CACNA1A: variants seen among roughly 807,000 people sequenced by gnomAD.
CACNA1A encodes voltage-dependent P/Q-type calcium channel subunit alpha-1A.
In CACNA1A, 57 loss-of-function variants were observed where a neutral mutation model predicts 262.4. The ratio of observed to expected loss-of-function variants is 0.22; its 90% CI spans 0.18 to 0.27. The LOEUF is 0.27. Among genes scored for constraint, CACNA1A ranks in the 10% least tolerant of loss-of-function variants. The pLI is 1.00. For missense variants in CACNA1A, 2,526 were observed against 3,562.8 expected (o/e 0.71, Z 7.41); for synonymous variants, 1,431 against 1,419.3 (o/e 1.01, Z -0.18).
At position 13,402,757 on chromosome 19, in the gene CACNA1A, C is replaced by T. The variant is rs977962635; in HGVS notation, c.540-30978G>A. Among the ~76,000 whole-genome samples, 25 of 140,824 alleles carry T rather than the reference C, an allele frequency of 1.8e-4. No individual in the cohort carries two copies. In the East Asian group the frequency reaches 4.9e-3, roughly 28 times the overall value. The allele number at this position is 140,824 out of a possible 152,430, so 92.4% of individuals were successfully genotyped here. A position where few individuals can be genotyped will look rare whatever the true frequency, so the allele number is the denominator to read the frequency against. ...ACATATATATACACATATATATACA[C>T]ACATATATATACATATATATACATA... On this transcript the variant is annotated intron_variant, in intron 3 of 46. Transcript: ENST00000360228.
chr19:13,271,024 T>C (rs570770004), intron 24 of CACNA1A, among the ~76,000 whole-genome samples: 2 of 152,290 alleles, frequency 1.3e-5, no homozygotes, highest in East Asian at 3.9e-4. Flanking sequence ...AAAATGGATT[T>C]TCAAGAGTGA....
chr19:13,218,358 G>A (rs541860534), intron 38 of CACNA1A, among the ~76,000 whole-genome samples: 4 of 152,260 alleles, frequency 2.6e-5, no homozygotes, highest in South Asian at 2.1e-4. Context: ...GAGTAACTAC[G>A]TCAGCCCTGC....
chr19:13,267,768 C>T (rs2056898321), intron 24 of CACNA1A, among the ~76,000 whole-genome samples: 1 of 151,806 alleles, frequency 6.6e-6, no homozygotes, highest in Admixed American at 6.5e-5. Flanking sequence ...CATAGGGAGA[C>T]CCTGTCTCTC....
chr19:13,449,374 T>C (rs146826060), intron 3 of CACNA1A, among the ~76,000 whole-genome samples: 123 of 152,250 alleles, frequency 8.1e-4, no homozygotes, highest in African/African-American at 2.9e-3. Flanking sequence ...CATAGCTCAC[T>C]ACAGCGTCGA....
At chr19:13,354,354 A>T (rs2145223663) in intron 6 of CACNA1A, among the ~76,000 whole-genome samples, 1 of 152,288 alleles carries the variant, frequency 6.6e-6, no homozygotes, top group African/African-American at 2.4e-5. Flanking sequence ...GAGGACAAAG[A>T]TTTCCAGACA....
intron 19 of CACNA1A, among the ~76,000 whole-genome samples, chr19:13,287,662 C>T (rs375607505): frequency 4.6e-5 from 7 of 151,952 alleles, no homozygotes; most frequent in Admixed American, 6.5e-5. Flanking sequence ...CCACTACGAC[C>T]GGCTAATTTT....
chr19:13,439,431 G>A (rs193018852), intron 3 of CACNA1A, among the ~76,000 whole-genome samples: 36 of 140,662 alleles, frequency 2.6e-4, no homozygotes, highest in South Asian at 6.7e-4. Context: ...ACGGAGTCTC[G>A]TTCTGTCGCC....
rs951043660 is a variant in CACNA1A, at chr19:13,234,696, G to A, written c.5249+225C>T. ...CCCCCACACCAGAAAAGGAGGAGGA[G>A]GGCACGCCCCCTATCGGAAGAGAAG... On this transcript the variant is annotated intron_variant, in intron 34 of 46. Coordinates refer to ENST00000360228, the MANE Select transcript of CACNA1A (RefSeq NM_001127222.2). 12 of 537,172 alleles carry A rather than the reference G, an allele frequency of 2.2e-5. No homozygotes were observed. In the African/African-American group the frequency reaches 2.3e-4, roughly 10 times the overall value. 33.3% of individuals were successfully genotyped at this position (537,172 alleles called of 1,614,324 possible).
intron 1 of CACNA1A, among the ~76,000 whole-genome samples, chr19:13,462,762 TTTTG>T (rs201680489): frequency 0.011 from 1,692 of 152,104 alleles, 37 homozygotes; most frequent in African/African-American, 0.038. Context: ...CTATGCCTTT[TTTTG>T]TTTGTTTGTT....
At chr19:13,332,839 C>G (rs1048212221) in intron 9 of CACNA1A, 30 bp downstream of exon 9, 1 of 1,534,798 alleles carries the variant, frequency 6.5e-7, no homozygotes, top group Non-Finnish European at 9.0e-7. Flanking sequence ...CCCCTGGGAC[C>G]CACCCCTGAG....
At chr19:13,439,194 C>T (rs927231838) in intron 3 of CACNA1A, among the ~76,000 whole-genome samples, 1 of 151,058 alleles carries the variant, frequency 6.6e-6, no homozygotes. Context: ...TTGCAAGCTC[C>T]GCCTCCCAGG....
chr19:13,381,063 A>G lies in CACNA1A; in HGVS notation c.540-9284T>C, dbSNP rs528666132. The stretch of plus-strand genomic sequence containing the variant: ...AGTGCTGGTATTTGAGGCATGAGCC[A>G]CTATGCCCAGCCTGAAGCATTCTAA... On this transcript the variant is annotated intron_variant, in intron 3 of 46. Transcript: ENST00000360228. 1.1e-4 allele frequency among the ~76,000 whole-genome samples: 17 copies of G among 152,238 alleles called. 1 individual carries two copies. The highest frequency in any genetic ancestry group is 2.9e-4 in the African/African-American group (12 of 41,542).
intron 6 of CACNA1A, among the ~76,000 whole-genome samples, chr19:13,346,920 T>TCTGC (rs1224675839): frequency 6.6e-6 from 1 of 150,934 alleles, no homozygotes; most frequent in Non-Finnish European, 1.5e-5. Context: ...GCTCAGGCAA[T>TCTGC]CTGCCTGCCT....
chr19:13,288,786 T>G (rs1600250550), intron 19 of CACNA1A, among the ~76,000 whole-genome samples: 1 of 152,108 alleles, frequency 6.6e-6, no homozygotes, highest in East Asian at 1.9e-4. Flanking sequence ...AAAGAATAAA[T>G]AAATAAATAA....
In CACNA1A at chr19:13,236,285, G is replaced by A. The variant is rs950065098; in HGVS notation, c.4951-555C>T. 3.9e-5 allele frequency among the ~76,000 whole-genome samples: 6 copies of A among 152,120 alleles called. No individual in the cohort carries two copies. The highest frequency in any genetic ancestry group is 1.3e-4 in the Admixed American group (2 of 15,274). On this transcript the variant is annotated intron_variant, in intron 31 of 46. Coordinates refer to ENST00000360228, the MANE Select transcript of CACNA1A (RefSeq NM_001127222.2). This position sits in a 1 kb window ranked among gnomAD's most constrained non-coding sequence, Gnocchi z 4.6. ...TGTGCGGGTTCCGAGGGCATGTTAC[G>A]CTCCGGGCCAGAAATGCATCTGTCA...
chr19:13,492,901 G>A (rs1981067172), intron 1 of CACNA1A, among the ~76,000 whole-genome samples: 1 of 152,020 alleles, frequency 6.6e-6, no homozygotes, highest in African/African-American at 2.4e-5. Flanking sequence ...TATGCTCCAG[G>A]GTCTCTCTCC....
At chr19:13,329,752 C>A (rs1025819768) in intron 10 of CACNA1A, among the ~76,000 whole-genome samples, 14 of 148,764 alleles carry the variant, frequency 9.4e-5, no homozygotes, top group Admixed American at 2.0e-4. Context: ...GGATTACAGG[C>A]GTGAGCCACT....
At chr19:13,267,099 A>G (rs1315352292) in intron 24 of CACNA1A, among the ~76,000 whole-genome samples, 1 of 152,100 alleles carries the variant, frequency 6.6e-6, no homozygotes, top group African/African-American at 2.4e-5. Flanking sequence ...ACGAGGCTGC[A>G]CCAGGGGACA....
At chr19:13,458,798 G>A (rs2061061875) in intron 1 of CACNA1A, among the ~76,000 whole-genome samples, 1 of 152,172 alleles carries the variant, frequency 6.6e-6, no homozygotes, top group Admixed American at 6.5e-5. Context: ...CTGTCTCCCT[G>A]CCACACCCCT....
Sources: gnomAD v4.1 joint callset for allele counts (sites outside exome capture counted in the v4.1 genomes callset) on GRCh38, gnomAD v4.1.1 for gene constraint, Gnocchi (gnomAD v3.1) non-coding constraint, MANE v1.5 for transcripts, NCBI Gene and HGNC (gene_info 2026-07-23, HGNC 2026-07-21) for gene names.